Variants in SFXN2 observed in about 807,000 individuals in gnomAD.
SFXN2 encodes sideroflexin-2.
In SFXN2, 37 loss-of-function variants were observed where a neutral mutation model predicts 41.9. That is an observed-to-expected ratio of 0.88 (90% CI 0.68 to 1.16). The LOEUF is 1.16. Among genes scored for constraint, SFXN2 ranks in the 50% most tolerant of loss-of-function variants. The pLI is 0.00. For synonymous variants in SFXN2, 150 were observed against 156.7 expected (o/e 0.96, Z 0.32); for missense variants, 386 against 425.2 (o/e 0.91, Z 0.81).
rs1020188407 is a variant in SFXN2, at chr10:102,741,386, T to A, written c.*3624T>A. 3 of 152,386 alleles carry A rather than the reference T, an allele frequency of 2.0e-5. No individual in the cohort carries two copies. The highest frequency in any genetic ancestry group is 7.2e-5 in the African/African-American group (3 of 41,572). The allele number at this position is 152,386 out of a possible 1,614,324, so 9.4% of individuals were successfully genotyped here. A position where few individuals can be genotyped will look rare whatever the true frequency, so the allele number is the denominator to read the frequency against. On this transcript the variant is annotated 3_prime_UTR_variant, in exon 12 of 12. Transcript: ENST00000369893. ...CTCCTGCCTTAGCCTCCCGAGTAGCTTCTTTTTCCTGAGTTCGGCTAGAAT... is the reference window on the plus strand; with the variant it reads ...CTCCTGCCTTAGCCTCCCGAGTAGCATCTTTTTCCTGAGTTCGGCTAGAAT...
At chr10:102,726,370 C>T (rs534326594) in intron 1 of SFXN2, 140 of 478,188 alleles carry the variant, frequency 2.9e-4, no homozygotes, top group Non-Finnish European at 2.1e-4. Flanking sequence ...TGTATTGTCC[C>T]CTTTTCCAGT....
chr10:102,732,301 G>A (rs2064716434), intron 8 of SFXN2, 83 bp downstream of exon 8: 2 of 1,248,622 alleles, frequency 1.6e-6, no homozygotes, highest in South Asian at 2.7e-5. Context: ...TTGGGTGGGA[G>A]GTGGGGCCCA....
At chr10:102,737,523 A>G (rs1189245689) in intron 11 of SFXN2, 140 bp from the exon 12 acceptor site, 3 of 595,802 alleles carry the variant, frequency 5.0e-6, no homozygotes, top group Non-Finnish European at 9.2e-6. Flanking sequence ...CGTAATGGTA[A>G]AGCAACATTG....
At chr10:102,725,954 T>C (rs955940065) in intron 1 of SFXN2, among the ~76,000 whole-genome samples, 6 of 152,180 alleles carry the variant, frequency 3.9e-5, no homozygotes, top group African/African-American at 1.4e-4. Flanking sequence ...TGTTTTGTTT[T>C]TCCCCCCAAG....
chr10:102,740,039 ATTC>A lies in SFXN2; in HGVS notation c.*2279_*2281del, dbSNP rs1481045400. The stretch of plus-strand genomic sequence containing the variant: ...TTCTAGTCATTGCCCGGTGATGCTG[ATTC>A]TGTTGGTCTTGGCACCATACGTGGA... On this transcript the variant is annotated 3_prime_UTR_variant, in exon 12 of 12. Transcript: ENST00000369893. 1.3e-5 allele frequency: 2 copies of A among 152,126 alleles called. No homozygotes were observed. The highest frequency in any genetic ancestry group is 4.8e-5 in the African/African-American group (2 of 41,400). The allele number at this position is 152,126 out of a possible 1,614,324, so 9.4% of individuals were successfully genotyped here. A position where few individuals can be genotyped will look rare whatever the true frequency, so the allele number is the denominator to read the frequency against.
chr10:102,721,304 C>T (rs1190540434), intron 1 of SFXN2, among the ~76,000 whole-genome samples: 2 of 151,706 alleles, frequency 1.3e-5, no homozygotes, highest in African/African-American at 4.8e-5. Flanking sequence ...TCCTTGAGCC[C>T]AGGAGTTTGA....
At chr10:102,719,733 T>C (rs1039269153) in intron 1 of SFXN2, among the ~76,000 whole-genome samples, 1 of 152,214 alleles carries the variant, frequency 6.6e-6, no homozygotes, top group Non-Finnish European at 1.5e-5. Flanking sequence ...TACTTGAATA[T>C]TGTGCTAGGC....
At chr10:102,718,433 A>C (rs1434747787) in intron 1 of SFXN2, among the ~76,000 whole-genome samples, 1 of 152,246 alleles carries the variant, frequency 6.6e-6, no homozygotes, top group African/African-American at 2.4e-5. Flanking sequence ...AGAGCATGGG[A>C]AAGTGAACTC....
intron 11 of SFXN2, among the ~76,000 whole-genome samples, chr10:102,736,945 G>A (rs1312666715): frequency 6.6e-6 from 1 of 151,496 alleles, no homozygotes; most frequent in Non-Finnish European, 1.5e-5. Flanking sequence ...ACCTGAGGTC[G>A]AGAGTTCAAG....
chr10:102,717,931 G>A (rs901523564), intron 1 of SFXN2, among the ~76,000 whole-genome samples: 1 of 152,138 alleles, frequency 6.6e-6, no homozygotes, highest in Non-Finnish European at 1.5e-5. Context: ...AATCACAAAC[G>A]CCCAGCATGC....
chr10:102,733,411 G>C (rs2064731249), intron 9 of SFXN2, 143 bp from the exon 10 acceptor site: 1 of 651,736 alleles, frequency 1.5e-6, no homozygotes, highest in South Asian at 1.8e-5. Context: ...GTCTCCCAAA[G>C]TGCTGGGATT....
At chr10:102,735,146 G>A (rs1387299306) in intron 10 of SFXN2, among the ~76,000 whole-genome samples, 1 of 128,346 alleles carries the variant, frequency 7.8e-6, no homozygotes, top group Admixed American at 8.6e-5. Context: ...CCTCCAAGTT[G>A]CTCCTCTCCC....
chr10:102,729,762 G>T lies in SFXN2; in HGVS notation c.547G>T (p.Ala183Ser), dbSNP rs376492604. Residue 183 changes from alanine to serine, a missense_variant, in exon 6 of 12, where the codon GCT becomes TCT. Coordinates refer to ENST00000369893, the MANE Select transcript of SFXN2 (RefSeq NM_178858.6). ...GGTGGGCCGCTGGGTGCCCTTTGCC[G>T]CTGTGGCTGCGGCTAACTGTGTCAA... ...PLVGRWVPFA[A>S]VAAANCVNIP... 6.2e-7 allele frequency: 1 copy of T among 1,614,000 alleles called. No individual in the cohort carries two copies. The highest frequency in any genetic ancestry group is 8.5e-7 in the Non-Finnish European group (1 of 1,180,042).
In SFXN2 at chr10:102,740,234, C is replaced by T. The variant is rs926169081; in HGVS notation, c.*2472C>T. 5 of 152,228 alleles carry T rather than the reference C, an allele frequency of 3.3e-5. No homozygotes were observed. The highest frequency in any genetic ancestry group is 7.3e-5 in the Non-Finnish European group (5 of 68,050). The allele number at this position is 152,228 out of a possible 1,614,324, so 9.4% of individuals were successfully genotyped here. A position where few individuals can be genotyped will look rare whatever the true frequency, so the allele number is the denominator to read the frequency against. On this transcript the variant is annotated 3_prime_UTR_variant, in exon 12 of 12. Coordinates refer to ENST00000369893, the MANE Select transcript of SFXN2 (RefSeq NM_178858.6). Reference sequence around the variant, plus strand: ...TTTTTAATGTAGTCACAAAGTTGTACAAGCATCACCACTAATTCCAGAATT... The same window carrying T: ...TTTTTAATGTAGTCACAAAGTTGTATAAGCATCACCACTAATTCCAGAATT...
intron 9 of SFXN2, 75 bp from the exon 10 acceptor site, chr10:102,733,479 G>A: frequency 7.9e-7 from 1 of 1,258,030 alleles, no homozygotes; most frequent in Non-Finnish European, 1.2e-6. Flanking sequence ...GCTGATCCAT[G>A]GCAGAGCAGG....
chr10:102,732,288 C>A, intron 8 of SFXN2, 70 bp downstream of exon 8: 3 of 1,427,050 alleles, frequency 2.1e-6, no homozygotes, highest in African/African-American at 1.4e-5. Context: ...CCACACTCAG[C>A]TTTTGGGTGG....
At chr10:102,735,819 TG>T (rs1297284308) in intron 10 of SFXN2, 42 bp from the exon 11 acceptor site, 2 of 1,607,020 alleles carry the variant, frequency 1.2e-6, no homozygotes, top group Non-Finnish European at 1.7e-6. Context: ...GACGGGCCTG[TG>T]GGGAGATGTC....
In SFXN2 at chr10:102,728,284, G is replaced by C. The variant is rs1317991650; in HGVS notation, c.333-147G>C. Reference sequence around the variant, plus strand: ...ACTGCACTCCAGCCTGGGTGACAGAGTGAGACTCCGTCTCAAAAAAATAAA... The same window carrying C: ...ACTGCACTCCAGCCTGGGTGACAGACTGAGACTCCGTCTCAAAAAAATAAA... On this transcript the variant is annotated intron_variant, in intron 3 of 11. Transcript: ENST00000369893. 8.4e-6 allele frequency: 5 copies of C among 597,894 alleles called. No homozygotes were observed. In the East Asian group the frequency reaches 1.6e-4, roughly 19 times the overall value. 37.0% of individuals were successfully genotyped at this position (597,894 alleles called of 1,614,324 possible).
At position 102,726,691 on chromosome 10, in the gene SFXN2, A is replaced by C; in HGVS notation, c.55A>C (p.Thr19Pro). ...CGATGCCCCCCGTTGGGACCAGCGC[A>C]CCTTCCTGGGGAGAGTGAAGCACTT... ...NIDAPRWDQR[T>P]FLGRVKHFLN... The change falls in exon 2 of 12, where the codon ACC becomes CCC. Residue 19 changes from threonine to proline, a missense_variant. Physicochemically the swap from Thr to Pro is conservative, Grantham distance 38. Coordinates refer to ENST00000369893, the MANE Select transcript of SFXN2 (RefSeq NM_178858.6). 1 of 1,614,078 alleles carries C rather than the reference A, an allele frequency of 6.2e-7. No individual in the cohort carries two copies. The highest frequency in any genetic ancestry group is 1.6e-4 in the Middle Eastern group (1 of 6,062).
Sources: allele counts gnomAD v4.1 joint callset (sites outside exome capture counted in the v4.1 genomes callset), GRCh38; gene constraint gnomAD v4.1.1; transcripts MANE v1.5; gene names NCBI Gene and HGNC (gene_info 2026-07-23, HGNC 2026-07-21).